The following DPP10 variants were observed in gnomAD, a reference collection of about 807,000 sequenced individuals.
The protein encoded by DPP10 is inactive dipeptidyl peptidase 10.
Under a neutral mutation model 120.9 loss-of-function variants are expected in DPP10, and 33 were observed. The observed-to-expected ratio is 0.27, with a 90% confidence interval of 0.21 to 0.37. The LOEUF (loss-of-function observed/expected upper bound fraction) is 0.37, where lower values mean the gene tolerates loss of function less well. Ranked by LOEUF, DPP10 falls within the 10% of genes least tolerant of loss-of-function variation. The probability of loss-of-function intolerance (pLI) is 1.00; values close to 1 mark genes in which losing one functional copy is unlikely to be tolerated. For missense variants in DPP10, 816 were observed against 942.8 expected (o/e 0.87, Z 1.76); for synonymous variants, 337 against 326.1 (o/e 1.03, Z -0.36).
chr2:114,716,853 T>C (rs1450145846), intron 1 of DPP10, among the ~76,000 whole-genome samples: 1 of 152,186 alleles, frequency 6.6e-6, no homozygotes, highest in African/African-American at 2.4e-5. Flanking sequence ...GGGTAACCAG[T>C]TATTAGCATC....
At chr2:115,303,157 T>C (rs1411698542) in intron 1 of DPP10, among the ~76,000 whole-genome samples, 1 of 152,010 alleles carries the variant, frequency 6.6e-6, no homozygotes, top group East Asian at 1.9e-4. Context: ...GAATTTTCTT[T>C]TTGTGGTATT....
chr2:114,632,508 T>G (rs1256978001), intron 1 of DPP10, among the ~76,000 whole-genome samples: 1 of 130,678 alleles, frequency 7.7e-6, no homozygotes, highest in East Asian at 2.2e-4. Context: ...TTAGGGTTTT[T>G]TTTTTTTTTT....
intron 3 of DPP10, among the ~76,000 whole-genome samples, chr2:115,370,440 T>C (rs890497933): frequency 6.6e-6 from 1 of 151,954 alleles, no homozygotes; most frequent in African/African-American, 2.4e-5. Context: ...AAGTAGAAAA[T>C]AAGTAAAGGC....
chr2:114,598,352 T>A, intron 1 of DPP10, among the ~76,000 whole-genome samples: 1 of 151,736 alleles, frequency 6.6e-6, no homozygotes, highest in Non-Finnish European at 1.5e-5. Flanking sequence ...GAATGAATAA[T>A]TTTTTAGGTT....
Position 115,777,294 on chromosome 2 carries a change from A to G in DPP10, c.1308A>G (p.Gln436=), listed in dbSNP as rs746069853. 3.7e-6 allele frequency: 6 copies of G among 1,612,192 alleles called. No homozygotes were observed. Among genetic ancestry groups the G allele is most frequent in the Non-Finnish European group, 5.1e-6 (6 of 1,178,600 alleles). The change falls in exon 14 of 26, where the codon CAA becomes CAG. Residue 436 remains glutamine (Q), a synonymous_variant. Coordinates refer to ENST00000410059, the MANE Select transcript of DPP10 (RefSeq NM_020868.6). ...IKILAYDETT[Q]KIYFLSTESS... Reference sequence around the variant, plus strand: ...TCTTGGCATACGATGAAACTACTCAAAAAATGTGAGTGTTTTCAGTTCTCT... The same window carrying G: ...TCTTGGCATACGATGAAACTACTCAGAAAATGTGAGTGTTTTCAGTTCTCT...
intron 1 of DPP10, among the ~76,000 whole-genome samples, chr2:114,949,777 C>T (rs1003578724): frequency 6.6e-6 from 1 of 152,198 alleles, no homozygotes; most frequent in East Asian, 1.9e-4. Context: ...ACAATGGGGT[C>T]TGATGGGGAG....
At chr2:114,809,499 T>C (rs1685006642) in intron 1 of DPP10, among the ~76,000 whole-genome samples, 1 of 152,236 alleles carries the variant, frequency 6.6e-6, no homozygotes, top group Non-Finnish European at 1.5e-5. Context: ...TCTGACACAG[T>C]GAGCAGCTCT....
chr2:115,664,622 G>C (rs1210219628), intron 5 of DPP10, among the ~76,000 whole-genome samples: 1 of 152,160 alleles, frequency 6.6e-6, no homozygotes, highest in Non-Finnish European at 1.5e-5. Flanking sequence ...CTTGTCAGTA[G>C]AATGTGAGAA....
chr2:115,479,207 T>C (rs1388520449), intron 3 of DPP10, among the ~76,000 whole-genome samples: 1 of 152,116 alleles, frequency 6.6e-6, no homozygotes, highest in Non-Finnish European at 1.5e-5. Context: ...ATACATACAA[T>C]GGGATGTTAT....
chr2:115,236,515 T>C (rs1422745952), intron 1 of DPP10, among the ~76,000 whole-genome samples: 2 of 152,194 alleles, frequency 1.3e-5, no homozygotes, highest in African/African-American at 4.8e-5. Flanking sequence ...AGGATTCTTA[T>C]TAGCTTTCTT....
intron 3 of DPP10, among the ~76,000 whole-genome samples, chr2:115,450,471 T>C (rs984564287): frequency 4.0e-5 from 6 of 151,880 alleles, no homozygotes; most frequent in Non-Finnish European, 7.4e-5. Context: ...GATTTTTTTA[T>C]TGCGAAACTT....
chr2:115,587,085 C>CTTTCTTTTTTTTTTTTTTTTTTTTTTTT (rs2082333095), intron 5 of DPP10, among the ~76,000 whole-genome samples: 1 of 100,632 alleles, frequency 9.9e-6, no homozygotes, highest in Non-Finnish European at 1.9e-5. Context: ...TTTTTTTTCT[C>CTTTCTTTTTTTTTTTTTTTTTTTTTTTT]TTTCTTTTTT....
intron 12 of DPP10, 85 bp from the exon 13 acceptor site, chr2:115,768,212 A>G (rs1681029791): frequency 9.0e-7 from 1 of 1,107,734 alleles, no homozygotes; most frequent in African/African-American, 1.6e-5. Flanking sequence ...AATATTTGGT[A>G]TAACCCATGC....
intron 2 of DPP10, among the ~76,000 whole-genome samples, chr2:115,311,305 C>G (rs897001099): frequency 6.6e-6 from 1 of 152,080 alleles, no homozygotes; most frequent in Non-Finnish European, 1.5e-5. Flanking sequence ...TAATGTAGTT[C>G]AAGAGTTTAT....
At chr2:114,459,581 C>T (rs2104561012) in intron 1 of DPP10, among the ~76,000 whole-genome samples, 1 of 152,152 alleles carries the variant, frequency 6.6e-6, no homozygotes, top group African/African-American at 2.4e-5. Context: ...TTTGGGATCT[C>T]GAAGGGAATT....
intron 3 of DPP10, among the ~76,000 whole-genome samples, chr2:115,376,754 A>G (rs1350225480): frequency 1.4e-5 from 2 of 142,208 alleles, no homozygotes; most frequent in Non-Finnish European, 3.0e-5. Flanking sequence ...TCCTGTGTCC[A>G]TGTGTTCTCA....
chr2:114,911,118 C>T (rs1237353737), intron 1 of DPP10, among the ~76,000 whole-genome samples: 1 of 152,174 alleles, frequency 6.6e-6, no homozygotes, highest in African/African-American at 2.4e-5. Context: ...TATGTGAAAT[C>T]AATACACTTC....
intron 3 of DPP10, among the ~76,000 whole-genome samples, chr2:115,368,473 G>T (rs1344988219): frequency 6.6e-6 from 1 of 152,050 alleles, no homozygotes; most frequent in Non-Finnish European, 1.5e-5. Context: ...GTATTTTAAA[G>T]TAGTCATCAT....
At chr2:114,625,527 A>G (rs1402739801) in intron 1 of DPP10, among the ~76,000 whole-genome samples, 1 of 152,044 alleles carries the variant, frequency 6.6e-6, no homozygotes. Flanking sequence ...ACTTCTATGA[A>G]CAGAAATCTT....
Sources: allele counts gnomAD v4.1 joint callset (sites outside exome capture counted in the v4.1 genomes callset), GRCh38; gene constraint gnomAD v4.1.1; transcripts MANE v1.5; gene names NCBI Gene and HGNC (gene_info 2026-07-23, HGNC 2026-07-21).